Variants in ITGBL1 observed in about 807,000 individuals in gnomAD.
The protein encoded by ITGBL1 is integrin subunit beta like 1, also known as integrin beta-like protein 1.
Under a neutral mutation model 68.5 loss-of-function variants are expected in ITGBL1, and 51 were observed. The ratio of observed to expected loss-of-function variants is 0.74; its 90% CI spans 0.59 to 0.94. The LOEUF is 0.94. Among genes scored for constraint, ITGBL1 ranks in the 40% least tolerant of loss-of-function variants. ITGBL1 has a pLI of 0.00. For synonymous variants in ITGBL1, 209 were observed against 227.3 expected (o/e 0.92, Z 0.72); for missense variants, 649 against 647.4 (o/e 1.00, Z -0.03).
intron 4 of ITGBL1, among the ~76,000 whole-genome samples, chr13:101,577,688 T>C (rs1203270638): frequency 1.3e-5 from 2 of 152,280 alleles, no homozygotes; most frequent in African/African-American, 2.4e-5. Context: ...AAAAAGGTGA[T>C]TGGGTCGTAC....
At chr13:101,689,211 T>TTAAAAAAAAAAAAAAAAAAAAAAA in intron 7 of ITGBL1, among the ~76,000 whole-genome samples, 1 of 74,868 alleles carries the variant, frequency 1.3e-5, no homozygotes, top group Non-Finnish European at 2.6e-5. Context: ...AGACTCTGCC[T>TTAAAAAAAAAAAAAAAAAAAAAAA]AAAAAAAAAA....
At chr13:101,686,557 T>C (rs755051546) in intron 7 of ITGBL1, among the ~76,000 whole-genome samples, 98 of 152,212 alleles carry the variant, frequency 6.4e-4, no homozygotes, top group Non-Finnish European at 1.2e-3. Context: ...TAAAATGCTA[T>C]CCAAGAATAC....
chr13:101,501,954 G>C (rs2048949684), intron 2 of ITGBL1, among the ~76,000 whole-genome samples: 1 of 152,122 alleles, frequency 6.6e-6, no homozygotes, highest in Admixed American at 6.5e-5. Context: ...ATGTAAGCCA[G>C]TTCCTTTTCC....
intron 2 of ITGBL1, among the ~76,000 whole-genome samples, chr13:101,552,202 TGTCCAGTGTTTA>T (rs1364795502): frequency 6.6e-6 from 1 of 152,194 alleles, no homozygotes; most frequent in Non-Finnish European, 1.5e-5. Context: ...GAATGAACTG[TGTCCAGTGTTTA>T]GTCCTCAAGA....
chr13:101,535,023 T>C (rs997395771), intron 2 of ITGBL1, among the ~76,000 whole-genome samples: 4 of 152,116 alleles, frequency 2.6e-5, no homozygotes, highest in Non-Finnish European at 5.9e-5. Flanking sequence ...GTTTGTCATA[T>C]TCCTCTTGTC....
At chr13:101,573,768 A>G (rs188453967) in intron 3 of ITGBL1, among the ~76,000 whole-genome samples, 15 of 152,254 alleles carry the variant, frequency 9.9e-5, no homozygotes, top group Admixed American at 9.2e-4. Context: ...CCTTACTCAC[A>G]AGTTCATTCT....
At chr13:101,656,135 G>GAT (rs2032916631) in intron 7 of ITGBL1, among the ~76,000 whole-genome samples, 1 of 152,176 alleles carries the variant, frequency 6.6e-6, no homozygotes, top group South Asian at 2.1e-4. Flanking sequence ...GAAGACCTGG[G>GAT]ATATATAGAA....
chr13:101,681,798 G>A (rs2033649430), intron 7 of ITGBL1, among the ~76,000 whole-genome samples: 1 of 152,140 alleles, frequency 6.6e-6, no homozygotes, highest in East Asian at 1.9e-4. Context: ...GTGTCTGTGT[G>A]TGTGTGGGTG....
At chr13:101,554,988 T>A (rs2049982143) in intron 2 of ITGBL1, among the ~76,000 whole-genome samples, 1 of 152,200 alleles carries the variant, frequency 6.6e-6, no homozygotes, top group Non-Finnish European at 1.5e-5. Flanking sequence ...ATCTCTTGAT[T>A]TCACTGAAAT....
At chr13:101,576,783 A>C (rs77725167) in intron 4 of ITGBL1, among the ~76,000 whole-genome samples, 3,221 of 152,254 alleles carry the variant, frequency 0.021, 108 homozygotes, top group African/African-American at 0.073. Flanking sequence ...AAAACAAACA[A>C]ACACAAAAAC....
chr13:101,695,960 TC>T (rs1594987606), intron 8 of ITGBL1, among the ~76,000 whole-genome samples: 1 of 152,330 alleles, frequency 6.6e-6, no homozygotes, highest in East Asian at 1.9e-4. Context: ...AACAGTCTTG[TC>T]CCTTGTGGGC....
chr13:101,695,074 G>C (rs1441124881), intron 8 of ITGBL1, among the ~76,000 whole-genome samples: 34 of 152,200 alleles, frequency 2.2e-4, no homozygotes, highest in Admixed American at 2.2e-3. Flanking sequence ...AAGGAGCTGA[G>C]TGATCTGAAA....
In ITGBL1 at chr13:101,480,840, T is replaced by C. The variant is rs187100007; in HGVS notation, c.316+26740T>C. The stretch of plus-strand genomic sequence containing the variant: ...TGAGCATGATGTTGACTGGTGGGTA[T>C]GAAAAGAATTGCATTGTAGTCAAAC... On this transcript the variant is annotated intron_variant, in intron 2 of 10. Coordinates refer to ENST00000376180, the MANE Select transcript of ITGBL1 (RefSeq NM_004791.3). Among the ~76,000 whole-genome samples, 14 of 152,174 alleles carry C rather than the reference T, an allele frequency of 9.2e-5. No homozygotes were observed. In the East Asian group the frequency reaches 2.7e-3, roughly 29 times the overall value.
chr13:101,555,686 G>T (rs1228804925), intron 2 of ITGBL1, among the ~76,000 whole-genome samples: 1 of 151,646 alleles, frequency 6.6e-6, no homozygotes, highest in East Asian at 1.9e-4. Flanking sequence ...TAAGTGTTTT[G>T]TGTGTGTGTG....
At chr13:101,648,591 A>G (rs1368020230) in intron 7 of ITGBL1, among the ~76,000 whole-genome samples, 1 of 152,198 alleles carries the variant, frequency 6.6e-6, no homozygotes, top group Non-Finnish European at 1.5e-5. Context: ...AAAAGACATA[A>G]CAAATGGAAG....
intron 6 of ITGBL1, among the ~76,000 whole-genome samples, chr13:101,588,838 T>C (rs2050603634): frequency 6.6e-6 from 1 of 152,198 alleles, no homozygotes; most frequent in Admixed American, 6.5e-5. Context: ...TGATTCCTTC[T>C]TTGGCATAAC....
chr13:101,551,852 A>C (rs2049925830), intron 2 of ITGBL1, among the ~76,000 whole-genome samples: 1 of 152,304 alleles, frequency 6.6e-6, no homozygotes, highest in Middle Eastern at 3.4e-3. Context: ...AAAATGAGAT[A>C]GTTTGTAAAT....
At chr13:101,704,199 G>A (rs1233994245) in intron 8 of ITGBL1, among the ~76,000 whole-genome samples, 1 of 152,126 alleles carries the variant, frequency 6.6e-6, no homozygotes, top group Non-Finnish European at 1.5e-5. Context: ...CTGGATACCT[G>A]TGTCTGGGTG....
chr13:101,543,634 A>T (rs1187941638), intron 2 of ITGBL1, among the ~76,000 whole-genome samples: 2 of 152,138 alleles, frequency 1.3e-5, no homozygotes, highest in East Asian at 3.8e-4. Flanking sequence ...GTTCTGCTGG[A>T]TAATATCCTG....
Sources: gnomAD v4.1 joint callset for allele counts (sites outside exome capture counted in the v4.1 genomes callset) on GRCh38, gnomAD v4.1.1 for gene constraint, MANE v1.5 for transcripts, NCBI Gene and HGNC (gene_info 2026-07-23, HGNC 2026-07-21) for gene names.